RORA: variants seen among roughly 807,000 people sequenced by gnomAD.
The protein encoded by RORA is RAR related orphan receptor A, also known as nuclear receptor ROR-alpha.
Under a neutral mutation model 69.5 loss-of-function variants are expected in RORA, and 7 were observed. The ratio of observed to expected loss-of-function variants is 0.10; its 90% confidence interval spans 0.06 to 0.19. The LOEUF is 0.19. Among genes scored for constraint, RORA ranks in the 10% least tolerant of loss-of-function variants. The probability of loss-of-function intolerance (pLI) is 1.00; values close to 1 mark genes in which losing one functional copy is unlikely to be tolerated. For synonymous variants in RORA, 261 were observed against 240.8 expected, an observed-to-expected ratio of 1.08 and a Z score of -0.78; for missense variants, 457 against 663.0, an observed-to-expected ratio of 0.69 and a Z score of 3.41.
At chr15:60,984,488 A>C (rs1292377757) in intron 1 of RORA, among the ~76,000 whole-genome samples, 2 of 151,742 alleles carry the variant, frequency 1.3e-5, no homozygotes, top group Non-Finnish European at 2.9e-5. Context: ...TACAAGTCTT[A>C]TTGGAGAGAG....
intron 1 of RORA, among the ~76,000 whole-genome samples, chr15:60,696,246 A>T (rs2070902733): frequency 6.6e-6 from 1 of 152,156 alleles, no homozygotes; most frequent in South Asian, 2.1e-4. Context: ...CCTGCACTCC[A>T]AGTACAGCCA....
chr15:60,759,805 T>C (rs1044577893), intron 1 of RORA, among the ~76,000 whole-genome samples: 10 of 152,092 alleles, frequency 6.6e-5, no homozygotes, highest in Non-Finnish European at 8.8e-5. Context: ...TGGGAAGATA[T>C]GATGGAATGG....
intron 3 of RORA, among the ~76,000 whole-genome samples, chr15:60,527,496 T>C (rs1374368391): frequency 6.6e-6 from 1 of 152,214 alleles, no homozygotes; most frequent in Non-Finnish European, 1.5e-5. Flanking sequence ...TGCCCCTCCT[T>C]CCTGGCAGGC....
intron 1 of RORA, among the ~76,000 whole-genome samples, chr15:60,720,389 A>G (rs2071278242): frequency 1.3e-5 from 2 of 152,242 alleles, no homozygotes; most frequent in African/African-American, 4.8e-5. Flanking sequence ...GACGATAGCT[A>G]ACATAATCTA....
intron 1 of RORA, among the ~76,000 whole-genome samples, chr15:60,924,453 G>C (rs1892148506): frequency 6.7e-6 from 1 of 150,118 alleles, no homozygotes; most frequent in Non-Finnish European, 1.5e-5. Flanking sequence ...TAAAATTTTA[G>C]AGCCTTCTAG....
At chr15:61,082,563 A>C (rs972594169) in intron 1 of RORA, among the ~76,000 whole-genome samples, 3 of 152,190 alleles carry the variant, frequency 2.0e-5, no homozygotes, top group Non-Finnish European at 4.4e-5. Context: ...CCTACAGAGG[A>C]GTGACATTTT....
chr15:60,509,586 T>A (rs189796407), intron 5 of RORA, among the ~76,000 whole-genome samples: 2 of 152,182 alleles, frequency 1.3e-5, no homozygotes, highest in African/African-American at 4.8e-5. Flanking sequence ...GATTGAATAT[T>A]TGACAAGCAA....
intron 1 of RORA, among the ~76,000 whole-genome samples, chr15:60,689,703 T>C (rs1264533971): frequency 2.0e-5 from 3 of 152,054 alleles, no homozygotes; most frequent in Non-Finnish European, 4.4e-5. Flanking sequence ...ACTATCTGTG[T>C]AAGAGGAAGG....
At chr15:61,180,615 T>A (rs1392884471) in intron 1 of RORA, among the ~76,000 whole-genome samples, 1 of 152,200 alleles carries the variant, frequency 6.6e-6, no homozygotes, top group Non-Finnish European at 1.5e-5. Flanking sequence ...AAGAGACAGT[T>A]AAAAATTCCT....
At chr15:60,769,507 G>A (rs2072041972) in intron 1 of RORA, among the ~76,000 whole-genome samples, 1 of 152,138 alleles carries the variant, frequency 6.6e-6, no homozygotes, top group Admixed American at 6.6e-5. Flanking sequence ...ATTTGGTTAG[G>A]GTTTAGGGGA....
At chr15:60,900,920 A>G (rs1891372755) in intron 1 of RORA, among the ~76,000 whole-genome samples, 1 of 152,036 alleles carries the variant, frequency 6.6e-6, no homozygotes, top group Non-Finnish European at 1.5e-5. Context: ...CCTTCCTCCT[A>G]GGTTTTTGCA....
intron 3 of RORA, among the ~76,000 whole-genome samples, chr15:60,516,007 A>ATT (rs1567051324): frequency 6.8e-5 from 1 of 14,802 alleles, no homozygotes; most frequent in Non-Finnish European, 1.3e-4. Context: ...ATATTTATAT[A>ATT]TATTTATATA....
chr15:60,825,799 A>G (rs2072948196), intron 1 of RORA, among the ~76,000 whole-genome samples: 1 of 152,222 alleles, frequency 6.6e-6, no homozygotes, highest in Non-Finnish European at 1.5e-5. Context: ...GATTGTCTTT[A>G]GTAGGTATAG....
chr15:60,644,779 G>A (rs776146192), intron 2 of RORA, among the ~76,000 whole-genome samples: 1 of 152,148 alleles, frequency 6.6e-6, no homozygotes, highest in Non-Finnish European at 1.5e-5. Context: ...TCCTGACCAA[G>A]TAGCCACTTG....
chr15:60,743,744 T>C (rs1298217898), intron 1 of RORA, among the ~76,000 whole-genome samples: 1 of 152,214 alleles, frequency 6.6e-6, no homozygotes, highest in African/African-American at 2.4e-5. Context: ...TGCCGCCACA[T>C]CTTATGTGCT....
At chr15:60,726,602 G>A (rs2071360037) in intron 1 of RORA, among the ~76,000 whole-genome samples, 1 of 152,176 alleles carries the variant, frequency 6.6e-6, no homozygotes, top group African/African-American at 2.4e-5. Flanking sequence ...CCAAACCAAG[G>A]TAGTTCCTCA....
intron 2 of RORA, among the ~76,000 whole-genome samples, chr15:60,631,882 G>A (rs1224138490): frequency 6.6e-6 from 1 of 152,190 alleles, no homozygotes; most frequent in Non-Finnish European, 1.5e-5. Flanking sequence ...GGGCCTGCTT[G>A]TAAACACTGG....
chr15:60,689,367 G>A (rs1037639658), intron 1 of RORA, among the ~76,000 whole-genome samples: 8 of 152,142 alleles, frequency 5.3e-5, no homozygotes, highest in African/African-American at 1.2e-4. Context: ...AGGTGGCCCC[G>A]AGCTTCAGAA....
intron 3 of RORA, among the ~76,000 whole-genome samples, chr15:60,524,049 T>A (rs2066265760): frequency 1.3e-5 from 2 of 152,204 alleles, no homozygotes; most frequent in African/African-American, 2.4e-5. Context: ...AGGCATCATC[T>A]TTCCCTCAGT....
Sources: allele counts gnomAD v4.1 joint callset (sites outside exome capture counted in the v4.1 genomes callset), GRCh38; gene constraint gnomAD v4.1.1; transcripts MANE v1.5; gene names NCBI Gene and HGNC (gene_info 2026-07-23, HGNC 2026-07-21).